The following ZMIZ1 variants were observed in gnomAD, a reference collection of about 807,000 sequenced individuals.
ZMIZ1 encodes the protein zinc finger MIZ-type containing 1.
Under a neutral mutation model 113.9 loss-of-function variants are expected in ZMIZ1, and 17 were observed. The observed-to-expected ratio is 0.15, with a 90% CI of 0.10 to 0.22. The LOEUF is 0.22. ZMIZ1 is among the 10% of genes least tolerant of loss of function. The probability of loss-of-function intolerance (pLI) is 1.00; values close to 1 mark genes in which losing one functional copy is unlikely to be tolerated. For synonymous variants in ZMIZ1, 607 were observed against 603.1 expected (o/e 1.01, Z -0.09); for missense variants, 1,059 against 1,477.8 (o/e 0.72, Z 4.65).
intron 4 of ZMIZ1, among the ~76,000 whole-genome samples, chr10:79,193,517 G>C (rs578004875): frequency 6.6e-6 from 1 of 152,166 alleles, no homozygotes; most frequent in Non-Finnish European, 1.5e-5. Context: ...AGCAATGGGC[G>C]TGCGTCCACC....
intron 7 of ZMIZ1, among the ~76,000 whole-genome samples, chr10:79,231,026 T>G (rs1849374447): frequency 6.6e-6 from 1 of 152,180 alleles, no homozygotes; most frequent in Admixed American, 6.5e-5. Flanking sequence ...GTCCTGTGCC[T>G]CCTCCTGGGG....
rs1243175319 is a variant in ZMIZ1, at chr10:79,175,599, T to C, written c.-50+13466T>C. Among the ~76,000 whole-genome samples the C allele has an allele frequency of 3.5e-5, 4 of 115,064 alleles. No individual in the cohort carries two copies. The East Asian group carries it at 1.6e-3, about 47-fold the overall frequency. The allele number at this position is 115,064 out of a possible 152,430, so 75.5% of individuals were successfully genotyped here. ...TGCACTCTGCGTGTGTGTGTGTGTG[T>C]GTGTGTGTGTGTGTGTGTGTGTGTG... On this transcript the variant is annotated intron_variant, in intron 4 of 24. Coordinates refer to ENST00000334512, the MANE Select transcript of ZMIZ1 (RefSeq NM_020338.4).
chr10:79,276,900 C>T (rs1007432041), intron 7 of ZMIZ1, among the ~76,000 whole-genome samples: 2 of 152,156 alleles, frequency 1.3e-5, no homozygotes, highest in African/African-American at 4.8e-5. Flanking sequence ...CCTGACTCTC[C>T]CCCTCTTTGC....
chr10:79,229,693 G>A (rs1435220083), intron 7 of ZMIZ1, among the ~76,000 whole-genome samples: 6 of 152,156 alleles, frequency 3.9e-5, no homozygotes, highest in Non-Finnish European at 8.8e-5. Context: ...TCTGTGATCC[G>A]TACTTAGGGA....
intron 7 of ZMIZ1, among the ~76,000 whole-genome samples, chr10:79,241,595 A>C (rs1849834300): frequency 6.6e-6 from 1 of 151,912 alleles, no homozygotes; most frequent in African/African-American, 2.4e-5. Context: ...GAATTAATCC[A>C]TTTAACCAGC....
At chr10:79,145,631 AAC>A (rs898011353) in intron 3 of ZMIZ1, among the ~76,000 whole-genome samples, 2 of 152,244 alleles carry the variant, frequency 1.3e-5, no homozygotes, top group Non-Finnish European at 1.5e-5. Flanking sequence ...ATTGGTGAAG[AAC>A]ACAGAGTCAT....
rs544065158 is a variant in ZMIZ1 at position 79,160,306 on chromosome 10, C to T, written c.-130-1747C>T. ...GCCAGAAGGTTAGGATGTAGAGCCA[C>T]TTCCTCTCCCCATGGCTGGGGTGGG... is the stretch of plus-strand genomic sequence containing the variant. On this transcript the variant is annotated intron_variant, in intron 3 of 24. Coordinates refer to ENST00000334512, the MANE Select transcript of ZMIZ1 (RefSeq NM_020338.4). Among the ~76,000 whole-genome samples the T allele has an allele frequency of 5.9e-5, 9 of 152,276 alleles. No homozygotes were observed. The East Asian group carries it at 1.7e-3, about 29-fold the overall frequency.
chr10:79,315,184 A>G lies in ZMIZ1; in HGVS notation c.*2435A>G, dbSNP rs1286027180. On this transcript the variant is annotated 3_prime_UTR_variant, in exon 25 of 25. Coordinates refer to ENST00000334512, the MANE Select transcript of ZMIZ1 (RefSeq NM_020338.4). ...AAGCCTCCACCAGCAAGCTCGGCCCAGAGCTTCCCTTCCGGCTGGCTCTGA... is the reference window on the plus strand; with the variant it reads ...AAGCCTCCACCAGCAAGCTCGGCCCGGAGCTTCCCTTCCGGCTGGCTCTGA... 1 of 152,756 alleles carries G rather than the reference A, an allele frequency of 6.5e-6. No individual in the cohort carries two copies. The highest frequency in any genetic ancestry group is 1.5e-5 in the Non-Finnish European group (1 of 68,080). 9.5% of individuals were successfully genotyped at this position (152,756 alleles called of 1,614,324 possible). A position where few individuals can be genotyped will look rare whatever the true frequency, so the allele number is the denominator to read the frequency against.
chr10:79,265,898 A>G (rs79141304), intron 7 of ZMIZ1, among the ~76,000 whole-genome samples: 5,113 of 152,272 alleles, frequency 0.034, 132 homozygotes, highest in Middle Eastern at 0.061. Flanking sequence ...GCCTTGATCA[A>G]CGGAGCAGCC....
At chr10:79,082,390 G>T (rs1024917498) in intron 1 of ZMIZ1, among the ~76,000 whole-genome samples, 1 of 152,172 alleles carries the variant, frequency 6.6e-6, no homozygotes, top group African/African-American at 2.4e-5. Context: ...CCAGCTTTTT[G>T]GCTCATCAGG....
intron 6 of ZMIZ1, among the ~76,000 whole-genome samples, chr10:79,214,371 C>T (rs1848637292): frequency 6.6e-6 from 1 of 152,174 alleles, no homozygotes; most frequent in Admixed American, 6.5e-5. Flanking sequence ...TCCTCCCAAC[C>T]TGGCTCAAAC....
At chr10:79,114,770 CT>C (rs1843950247) in intron 1 of ZMIZ1, among the ~76,000 whole-genome samples, 1 of 152,114 alleles carries the variant, frequency 6.6e-6, no homozygotes, top group African/African-American at 2.4e-5. Context: ...TCCCCTCCCC[CT>C]GACATCTTTG....
intron 5 of ZMIZ1, among the ~76,000 whole-genome samples, chr10:79,202,342 A>G (rs1016482746): frequency 6.6e-6 from 1 of 151,974 alleles, no homozygotes; most frequent in African/African-American, 2.4e-5. Flanking sequence ...AGTGATTCAC[A>G]CCTGTAATCT....
At chr10:79,269,190 C>G (rs1851787037) in intron 7 of ZMIZ1, among the ~76,000 whole-genome samples, 1 of 152,198 alleles carries the variant, frequency 6.6e-6, no homozygotes, top group Non-Finnish European at 1.5e-5. Flanking sequence ...TGGCGCCACT[C>G]TCACTGCTGC....
In ZMIZ1 at chr10:79,201,808, A is replaced by G. The variant is rs932072895; in HGVS notation, c.60+116A>G. On this transcript the variant is annotated intron_variant, in intron 5 of 24. Transcript: ENST00000334512. The stretch of plus-strand genomic sequence containing the variant: ...GGCAGGGCCTCCTGACCACCTACCT[A>G]TCGAGGCCGTTATTGGCATGCTGGC... 31 of 1,120,820 alleles carry G rather than the reference A, an allele frequency of 2.8e-5. 1 individual carries two copies. The highest frequency in any genetic ancestry group is 2.1e-5 in the Non-Finnish European group (16 of 763,342). The allele number at this position is 1,120,820 out of a possible 1,614,324, so 69.4% of individuals were successfully genotyped here.
chr10:79,238,727 C>T (rs747057981), intron 7 of ZMIZ1, among the ~76,000 whole-genome samples: 2 of 152,160 alleles, frequency 1.3e-5, no homozygotes, highest in African/African-American at 2.4e-5. Flanking sequence ...AACTGGATTG[C>T]CAAGTCATTT....
At chr10:79,106,413 A>C (rs968001132) in intron 1 of ZMIZ1, among the ~76,000 whole-genome samples, 2 of 152,184 alleles carry the variant, frequency 1.3e-5, no homozygotes, top group Admixed American at 6.5e-5. Context: ...GAGCATGGGG[A>C]CCAATTGGTA....
At chr10:79,302,601 T>C (rs1332251090) in intron 18 of ZMIZ1, among the ~76,000 whole-genome samples, 1 of 151,606 alleles carries the variant, frequency 6.6e-6, no homozygotes, top group East Asian at 1.9e-4. Flanking sequence ...ATGGGAGGAT[T>C]TAGAGAAGAG....
intron 7 of ZMIZ1, among the ~76,000 whole-genome samples, chr10:79,219,051 C>T (rs1848856870): frequency 6.6e-6 from 1 of 151,444 alleles, no homozygotes; most frequent in Non-Finnish European, 1.5e-5. Context: ...GGTGGGGGGA[C>T]GTGGAGGCCT....
Sources: gnomAD v4.1 joint callset for allele counts (sites outside exome capture counted in the v4.1 genomes callset) on GRCh38, gnomAD v4.1.1 for gene constraint, MANE v1.5 for transcripts, NCBI Gene and HGNC (gene_info 2026-07-23, HGNC 2026-07-21) for gene names.